The following ZSCAN10 variants were observed in gnomAD, a reference collection of about 807,000 sequenced individuals.
The protein encoded by ZSCAN10 is zinc finger and SCAN domain containing 10.
A neutral mutation model predicts 63.7 loss-of-function variants in ZSCAN10; 52 were observed. The ratio of observed to expected loss-of-function variants is 0.82; its 90% CI spans 0.65 to 1.03. The LOEUF is 1.03. ZSCAN10 is among the 50% of genes least tolerant of loss of function. The pLI is 0.00. For synonymous variants in ZSCAN10, 544 were observed against 479.6 expected (o/e 1.13, Z -1.76); for missense variants, 1,223 against 1,103.8 (o/e 1.11, Z -1.53).
chr16:3,093,153 G>A (rs1307124550), intron 1 of ZSCAN10, 149 bp from the exon 2 acceptor site: 1 of 476,096 alleles, frequency 2.1e-6, no homozygotes, highest in African/African-American at 2.0e-5. Context: ...GACAGCCCCC[G>A]GTCTCAGGGT....
chr16:3,094,697 T>C (rs1957132798), intron 1 of ZSCAN10, among the ~76,000 whole-genome samples: 2 of 151,960 alleles, frequency 1.3e-5, no homozygotes, highest in South Asian at 4.1e-4. Context: ...GCAGGGAATA[T>C]GGAACAAGTC....
chr16:3,091,796 T>C lies in ZSCAN10; in HGVS notation c.697A>G (p.Ser233Gly). 6.4e-7 allele frequency: 1 copy of C among 1,573,002 alleles called. No individual in the cohort carries two copies. Among genetic ancestry groups the C allele is most frequent in the Non-Finnish European group, 8.6e-7 (1 of 1,158,976 alleles). Residue 233 changes from serine to glycine, a missense_variant, in exon 4 of 6, where the codon AGT becomes GGT. Coordinates refer to ENST00000576985, the MANE Select transcript of ZSCAN10 (RefSeq NM_032805.3). The part of the protein sequence containing the change: ...PQGPSPWPEE[S>G]SRDQELAAVL... The stretch of plus-strand genomic sequence containing the variant: ...GCCGCCAGCTCCTGATCTCGGGAAC[T>C]CTCCTCTGGCCATGGTGAGGGGCCC...
intron 1 of ZSCAN10, among the ~76,000 whole-genome samples, chr16:3,097,418 C>T (rs907287193): frequency 2.0e-5 from 3 of 152,188 alleles, no homozygotes; most frequent in African/African-American, 7.2e-5. Flanking sequence ...CAAAATGGAA[C>T]GGGAAGTTCC....
In ZSCAN10 at chr16:3,093,077, AAAG is replaced by A. The variant is rs561554860; in HGVS notation, c.-67-76_-67-74del. On this transcript the variant is annotated intron_variant, in intron 1 of 5. Coordinates refer to ENST00000576985, the MANE Select transcript of ZSCAN10 (RefSeq NM_032805.3). ...CCCCATACCTGGGTCATCCATGTTA[AAAG>A]ACACCCAATACGCAGACCCAGAGGA... The A allele has an allele frequency of 3.9e-4, 450 of 1,154,964 alleles. 1 individual carries two copies. In the Middle Eastern group the frequency reaches 5.4e-3, roughly 14 times the overall value. 71.5% of individuals were successfully genotyped at this position (1,154,964 alleles called of 1,614,324 possible). A position where few individuals can be genotyped will look rare whatever the true frequency, so the allele number is the denominator to read the frequency against.
chr16:3,099,226 G>A lies in ZSCAN10; in HGVS notation c.-104C>T, dbSNP rs1957191879. The A allele has an allele frequency of 6.6e-6, 1 of 152,458 alleles. No individual in the cohort carries two copies. The highest frequency in any genetic ancestry group is 1.5e-5 in the Non-Finnish European group (1 of 68,242). 9.4% of individuals were successfully genotyped at this position (152,458 alleles called of 1,614,324 possible). A position where few individuals can be genotyped will look rare whatever the true frequency, so the allele number is the denominator to read the frequency against. On this transcript the variant is annotated 5_prime_UTR_variant, in exon 1 of 6. Transcript: ENST00000576985. ...CCCACTACACAGGCAGAGATGCTGG[G>A]GGGTTTTCTGAGGACTCCAGGGCCA...
At position 3,091,553 on chromosome 16, in the gene ZSCAN10, A is replaced by C. The variant is rs778820401; in HGVS notation, c.774T>G (p.Pro258=). 5 of 1,614,078 alleles carry C rather than the reference A, an allele frequency of 3.1e-6. No individual in the cohort carries two copies. Residue 258 remains proline, a synonymous_variant, in exon 5 of 6, where the codon CCT becomes CCG. Coordinates refer to ENST00000576985, the MANE Select transcript of ZSCAN10 (RefSeq NM_032805.3). The part of the protein sequence containing the change: ...FEDVPENKAW[P]AHPLGFGSRT... ...AGGGTTGCTTACCCAGGGGGTGTGCAGGCCACGCCTTATTCTCTGGCACAT... is the reference window on the plus strand; with the variant it reads ...AGGGTTGCTTACCCAGGGGGTGTGCCGGCCACGCCTTATTCTCTGGCACAT...
In ZSCAN10 at chr16:3,090,221, C is replaced by A. The variant is rs374247812; in HGVS notation, c.1213G>T (p.Ala405Ser). The change falls in exon 6 of 6, where the codon GCC becomes TCC. Residue 405 changes from alanine (A) to serine (S), a missense_variant. Transcript: ENST00000576985. ...MRTHTDERPH[A>S]CHLCGHRFRQ... The stretch of plus-strand genomic sequence containing the variant: ...AAGCGGTGGCCGCACAGGTGGCAGG[C>A]GTGCGGCCGCTCGTCCGTGTGAGTG... The A allele has an allele frequency of 7.8e-5, 125 of 1,605,062 alleles. No individual in the cohort carries two copies. Among genetic ancestry groups the A allele is most frequent in the Admixed American group, 2.7e-4 (16 of 59,796 alleles).
rs968850630 is a variant in ZSCAN10 at position 3,090,035 on chromosome 16, T to G, written c.1399A>C (p.Lys467Gln). The change falls in exon 6 of 6, where the codon AAG (lysine) becomes CAG (glutamine). Residue 467 changes from lysine (K) to glutamine (Q), a missense_variant. Coordinates refer to ENST00000576985, the MANE Select transcript of ZSCAN10 (RefSeq NM_032805.3). ...TCGGTCAGTGGCGGCGCTTCGGCCT[T>G]ACTCTCAGGAGCGCAGGGCGGCTTC... is the stretch of plus-strand genomic sequence containing the variant. Reference protein sequence around the residue: ...DQKPPCAPESKAEAPPLTDVL... With the variant: ...DQKPPCAPESQAEAPPLTDVL... 2.5e-6 allele frequency: 4 copies of G among 1,597,426 alleles called. No homozygotes were observed. The highest frequency in any genetic ancestry group is 1.9e-4 in the Middle Eastern group (1 of 5,312).
intron 4 of ZSCAN10, 62 bp downstream of exon 4, chr16:3,091,701 TA>T (rs1957078848): frequency 5.0e-6 from 8 of 1,604,926 alleles, no homozygotes; most frequent in Admixed American, 1.7e-5. Context: ...ATGGATTTGC[TA>T]AAACTACAGG....
chr16:3,092,759 G>T lies in ZSCAN10; in HGVS notation c.179C>A (p.Ala60Glu), dbSNP rs760269637. 1.2e-6 allele frequency: 2 copies of T among 1,607,184 alleles called. No individual in the cohort carries two copies. The highest frequency in any genetic ancestry group is 2.2e-5 in the East Asian group (1 of 44,652). ...GAGCTCCCGGAGCCGGCTCAGGGAC[G>T]CCCGTGGCCCCATGTCCTCCTGATA... ...FQYQEDMGPR[A>E]SLSRLRELCG... Residue 60 changes from alanine (A) to glutamate (E), a missense_variant, in exon 2 of 6, where the codon GCG becomes GAG. Physicochemically the swap from Ala to Glu is moderately radical, Grantham distance 107. Coordinates refer to ENST00000576985, the MANE Select transcript of ZSCAN10 (RefSeq NM_032805.3).
At chr16:3,094,469 G>C (rs2017820) in intron 1 of ZSCAN10, among the ~76,000 whole-genome samples, 79,557 of 152,026 alleles carry the variant, frequency 0.52, 21,565 homozygotes, top group African/African-American at 0.67. Context: ...CGTCAGCTTC[G>C]TGAGTAGCTG....
At position 3,089,696 on chromosome 16, in the gene ZSCAN10, A is replaced by C; in HGVS notation, c.1738T>G (p.Cys580Gly). 6.2e-7 allele frequency: 1 copy of C among 1,605,710 alleles called. No individual in the cohort carries two copies. The highest frequency in any genetic ancestry group is 1.3e-5 in the African/African-American group (1 of 74,846). ...ACAAAGCGCTTCCCGCACTGCGGAC[A>C]GGCGTAGGGCTTCTCGCCCGTGTGC... ...RVHTGEKPYA[C>G]PQCGKRFVRR... The change falls in exon 6 of 6, where the codon TGT (cysteine) becomes GGT (glycine). Residue 580 changes from cysteine to glycine, a missense_variant. Coordinates refer to ENST00000576985, the MANE Select transcript of ZSCAN10 (RefSeq NM_032805.3).
Position 3,089,333 on chromosome 16 carries a change from G to T in ZSCAN10, c.2101C>A (p.Arg701Ser), listed in dbSNP as rs987144881. 4.4e-5 allele frequency: 70 copies of T among 1,587,286 alleles called. No individual in the cohort carries two copies. In the Admixed American group the frequency reaches 1.2e-3, roughly 27 times the overall value. The change falls in exon 6 of 6, where the codon CGC becomes AGC. Residue 701 changes from arginine to serine, a missense_variant. By Grantham distance (110) the Arg-to-Ser change is moderately radical. Transcript: ENST00000576985. ...AGGTGCCGCCGCAGATGCGCGTTGCGCCGGAAGCTGCGACCGCACGTCTGA... is the reference window on the plus strand; with the variant it reads ...AGGTGCCGCCGCAGATGCGCGTTGCTCCGGAAGCTGCGACCGCACGTCTGA... ...SCQTCGRSFR[R>S]NAHLRRHLAT...
chr16:3,091,519 C>T, intron 5 of ZSCAN10, 21 bp downstream of exon 5: 1 of 1,613,864 alleles, frequency 6.2e-7, no homozygotes, highest in Non-Finnish European at 8.5e-7. Context: ...GTGGTCACTT[C>T]TCCAGGGAAG....
Position 3,092,947 on chromosome 16 carries a change from C to T in ZSCAN10, c.-10G>A, listed in dbSNP as rs958168797. 8 of 1,415,836 alleles carry T rather than the reference C, an allele frequency of 5.7e-6. No homozygotes were observed. The highest frequency in any genetic ancestry group is 3.0e-5 in the Admixed American group (1 of 33,140). The allele number at this position is 1,415,836 out of a possible 1,614,324, so 87.7% of individuals were successfully genotyped here. On this transcript the variant is annotated 5_prime_UTR_variant, in exon 2 of 6. Coordinates refer to ENST00000576985, the MANE Select transcript of ZSCAN10 (RefSeq NM_032805.3). The stretch of plus-strand genomic sequence containing the variant: ...CTGATTCTCCAAGCATCCTTCACTG[C>T]GGGGATGCCTCCCTAACGCCAGCCC...
At chr16:3,095,057 T>C (rs1028520962) in intron 1 of ZSCAN10, among the ~76,000 whole-genome samples, 3 of 152,122 alleles carry the variant, frequency 2.0e-5, no homozygotes, top group Admixed American at 6.6e-5. Flanking sequence ...TTCACTGCTC[T>C]TTCAAGTTCT....
chr16:3,096,772 T>A (rs2151218887), intron 1 of ZSCAN10, among the ~76,000 whole-genome samples: 1 of 151,934 alleles, frequency 6.6e-6, no homozygotes, highest in Middle Eastern at 3.4e-3. Context: ...CTACTAAAAT[T>A]ACAAAAATTA....
chr16:3,097,096 CAAA>C (rs34194103), intron 1 of ZSCAN10, among the ~76,000 whole-genome samples: 5 of 143,260 alleles, frequency 3.5e-5, no homozygotes, highest in Admixed American at 6.9e-5. Flanking sequence ...GAATCTGTCT[CAAA>C]AAAAAAAAAA....
Position 3,089,301 on chromosome 16 carries a change from G to GGTA in ZSCAN10, c.2130_2132dup (p.Thr711dup). The GGTA allele has an allele frequency of 6.4e-7, 1 of 1,569,902 alleles. No homozygotes were observed. The highest frequency in any genetic ancestry group is 8.6e-7 in the Non-Finnish European group (1 of 1,165,024). On this transcript the variant is annotated inframe_insertion, in exon 6 of 6. Transcript: ENST00000576985. ...CCTGCTCCTGCCCGGGCTCCGCATG[G>GGTA]GTAGCCAGGTGCCGCCGCAGATGCG...
Sources: gnomAD v4.1 joint callset for allele counts (sites outside exome capture counted in the v4.1 genomes callset) on GRCh38, gnomAD v4.1.1 for gene constraint, MANE v1.5 for transcripts, NCBI Gene and HGNC (gene_info 2026-07-23, HGNC 2026-07-21) for gene names.